Variants in NSUN6 observed in about 807,000 individuals in gnomAD.
NSUN6 encodes the protein NOP2/Sun RNA methyltransferase 6, also known as tRNA (cytosine(72)-C(5))-methyltransferase NSUN6.
In NSUN6, 64 loss-of-function variants were observed where a neutral mutation model predicts 58.0. The observed-to-expected ratio is 1.10, with a 90% CI of 0.90 to 1.36. The LOEUF is 1.36. Among genes scored for constraint, NSUN6 ranks in the 40% most tolerant of loss-of-function variants. The pLI is 0.00. For missense variants in NSUN6, 701 were observed against 550.1 expected (o/e 1.27, Z -2.74); for synonymous variants, 231 against 193.9 (o/e 1.19, Z -1.59).
At chr10:18,586,392 G>T (rs528583754) in intron 7 of NSUN6, among the ~76,000 whole-genome samples, 4 of 152,120 alleles carry the variant, frequency 2.6e-5, no homozygotes, top group African/African-American at 9.7e-5. Flanking sequence ...TGTGTCTGGA[G>T]TTTCTTCCTT....
chr10:18,590,356 A>C (rs186362983), intron 7 of NSUN6, among the ~76,000 whole-genome samples: 2 of 152,318 alleles, frequency 1.3e-5, no homozygotes, highest in African/African-American at 4.8e-5. Context: ...ATGAGACAGA[A>C]AATTAACAAG....
rs1439913484 is a variant in NSUN6 at position 18,648,528 on chromosome 10, G to A, written c.193C>T (p.Gln65Ter). Residue 65 changes from glutamine (Q) to a stop codon, truncating the protein, a stop_gained, in exon 2 of 11, where the codon CAA becomes TAA. Transcript: ENST00000377304. LOFTEE classifies it high-confidence loss of function. Reference sequence around the variant, plus strand: ...TCAAGTAACAGATTTTTCACATGTTGTACTGAGGCTAAATGTGTATTCACT... The same window carrying A: ...TCAAGTAACAGATTTTTCACATGTTATACTGAGGCTAAATGTGTATTCACT... ...VRVNTHLASV[Q>*]HVKNLLLDEL... 1 of 1,608,756 alleles carries A rather than the reference G, an allele frequency of 6.2e-7. No individual in the cohort carries two copies. The highest frequency in any genetic ancestry group is 2.2e-5 in the East Asian group (1 of 44,770).
In NSUN6 at chr10:18,648,522, CAT is replaced by C; in HGVS notation, c.197_198del (p.His66ArgfsTer7). The C allele has an allele frequency of 1.2e-6, 2 of 1,607,566 alleles. No individual in the cohort carries two copies. Among genetic ancestry groups the C allele is most frequent in the East Asian group, 2.2e-5 (1 of 44,740 alleles). On this transcript the variant is annotated frameshift_variant, in exon 2 of 11. Transcript: ENST00000377304. LOFTEE classifies it high-confidence loss of function. Reference sequence around the variant, plus strand: ...AGTTCATCAAGTAACAGATTTTTCACATGTTGTACTGAGGCTAAATGTGTATT... The same window carrying C: ...AGTTCATCAAGTAACAGATTTTTCACGTTGTACTGAGGCTAAATGTGTATT... Reference protein sequence around the residue: ...RVNTHLASVQHVKNLLLDELQ... With the variant: ...RVNTHLASVQXVKNLLLDELQ...
At chr10:18,633,455 G>C (rs2059109099) in intron 3 of NSUN6, among the ~76,000 whole-genome samples, 1 of 151,862 alleles carries the variant, frequency 6.6e-6, no homozygotes, top group South Asian at 2.1e-4. Context: ...TAAAATCTGA[G>C]GAGAAAATTC....
At chr10:18,653,331 T>G, upstream of NSUN6, 1 of 983,006 alleles carries the variant, frequency 1.0e-6, no homozygotes, top group Non-Finnish European at 1.2e-6. Flanking sequence ...TGCCAGAAAT[T>G]ACTTCACTAG....
chr10:18,597,090 C>T (rs1016637952), intron 6 of NSUN6, among the ~76,000 whole-genome samples: 3 of 152,100 alleles, frequency 2.0e-5, no homozygotes, highest in African/African-American at 7.2e-5. Flanking sequence ...AAACCTCAAA[C>T]CCTGGCTGTT....
At chr10:18,633,025 G>A (rs1301949887) in intron 3 of NSUN6, among the ~76,000 whole-genome samples, 1 of 151,838 alleles carries the variant, frequency 6.6e-6, no homozygotes. Context: ...AACAATGATA[G>A]ACTGGATTAA....
intron 7 of NSUN6, among the ~76,000 whole-genome samples, chr10:18,595,587 T>G (rs952165800): frequency 6.6e-6 from 1 of 152,340 alleles, no homozygotes; most frequent in Non-Finnish European, 1.5e-5. Context: ...GTTACCACCT[T>G]AAATTCTTTT....
intron 3 of NSUN6, among the ~76,000 whole-genome samples, chr10:18,622,264 C>T (rs1185037369): frequency 6.6e-6 from 1 of 152,140 alleles, no homozygotes; most frequent in African/African-American, 2.4e-5. Context: ...TTGCTTTCTG[C>T]AATGTGAGAA....
intron 3 of NSUN6, among the ~76,000 whole-genome samples, chr10:18,632,948 C>G (rs570451785): frequency 6.6e-6 from 1 of 152,112 alleles, no homozygotes; most frequent in South Asian, 2.1e-4. Context: ...TATAAAGACA[C>G]GTGCACCCGT....
upstream of NSUN6, among the ~76,000 whole-genome samples, chr10:18,656,140 C>T (rs1184778120): frequency 6.6e-5 from 10 of 152,102 alleles, no homozygotes; most frequent in Non-Finnish European, 8.8e-5. Flanking sequence ...TTACAGAAGG[C>T]GATCATATTG....
chr10:18,549,986 C>T (rs1218874350), intron 9 of NSUN6, among the ~76,000 whole-genome samples: 1 of 152,166 alleles, frequency 6.6e-6, no homozygotes, highest in African/African-American at 2.4e-5. Context: ...AAACAATGTA[C>T]CTAAAGTCAC....
intron 6 of NSUN6, among the ~76,000 whole-genome samples, chr10:18,597,640 C>T (rs1222214127): frequency 6.6e-6 from 1 of 152,156 alleles, no homozygotes; most frequent in Admixed American, 6.5e-5. Flanking sequence ...GTGGCACATG[C>T]CTGTAATCCC....
At chr10:18,625,662 G>A (rs2058767547) in intron 3 of NSUN6, among the ~76,000 whole-genome samples, 2 of 139,582 alleles carry the variant, frequency 1.4e-5, no homozygotes, top group Non-Finnish European at 3.0e-5. Context: ...GCAGTGAGCC[G>A]AGATCGCGCC....
At chr10:18,583,959 T>C (rs1351651156) in intron 8 of NSUN6, among the ~76,000 whole-genome samples, 1 of 152,196 alleles carries the variant, frequency 6.6e-6, no homozygotes, top group Non-Finnish European at 1.5e-5. Flanking sequence ...TTTAATCTTT[T>C]ACACACTTTC....
intron 1 of NSUN6, among the ~76,000 whole-genome samples, chr10:18,650,508 G>T (rs866754728): frequency 6.6e-6 from 1 of 152,158 alleles, no homozygotes; most frequent in Non-Finnish European, 1.5e-5. Context: ...GTTAAGCCAC[G>T]TAATTTACAA....
intron 8 of NSUN6, among the ~76,000 whole-genome samples, chr10:18,557,219 G>C (rs957130900): frequency 1.3e-5 from 2 of 150,420 alleles, no homozygotes; most frequent in African/African-American, 4.9e-5. Flanking sequence ...ATGGAGAAAA[G>C]AGAACATGGA....
At chr10:18,625,300 AG>A (rs2058752839) in intron 3 of NSUN6, among the ~76,000 whole-genome samples, 1 of 152,240 alleles carries the variant, frequency 6.6e-6, no homozygotes, top group African/African-American at 2.4e-5. Context: ...CCAGAAACAC[AG>A]CACACAAAGT....
chr10:18,648,634 A>G lies in NSUN6; in HGVS notation c.87T>C (p.Ala29=). The G allele has an allele frequency of 6.4e-7, 1 of 1,570,408 alleles. No individual in the cohort carries two copies. Among genetic ancestry groups the G allele is most frequent in the Non-Finnish European group, 8.6e-7 (1 of 1,158,528 alleles). The change falls in exon 2 of 11, where the codon GCT becomes GCC. Residue 29 remains alanine (A), a synonymous_variant. Coordinates refer to ENST00000377304, the MANE Select transcript of NSUN6 (RefSeq NM_182543.5). ...EGFMNKEIVT[A]LGKQEAERKF... is the part of the protein sequence containing the mutation. ...TCCTTTCTGCTTCTTGTTTACCTAA[A>G]GCAGTCACAATCTAAAAAGAAGTTC...
Sources: gnomAD v4.1 joint callset for allele counts (sites outside exome capture counted in the v4.1 genomes callset) on GRCh38, gnomAD v4.1.1 for gene constraint, MANE v1.5 for transcripts, NCBI Gene and HGNC (gene_info 2026-07-23, HGNC 2026-07-21) for gene names.